Variants in TUB observed in about 807,000 individuals in gnomAD.
TUB encodes the protein tubby protein homolog.
Under a neutral mutation model 59.7 loss-of-function variants are expected in TUB, and 33 were observed. That is an observed-to-expected ratio of 0.55 (90% CI 0.42 to 0.74). The LOEUF (loss-of-function observed/expected upper bound fraction) is 0.74, where lower values mean the gene tolerates loss of function less well. TUB is among the 30% of genes least tolerant of loss of function. The pLI is 0.00. For synonymous variants in TUB, 293 were observed against 256.4 expected (o/e 1.14, Z -1.36); for missense variants, 659 against 672.0 (o/e 0.98, Z 0.21).
chr11:8,095,692 C>CCCCATGGGGG (rs1943960726), intron 5 of TUB, 27 bp downstream of exon 5: 1 of 1,562,464 alleles, frequency 6.4e-7, no homozygotes, highest in African/African-American at 1.4e-5. Flanking sequence ...CCCAGTGATA[C>CCCCATGGGGG]CCCCAAAACT....
chr11:8,057,838 C>T (rs752598598), intron 2 of TUB, among the ~76,000 whole-genome samples: 17 of 152,152 alleles, frequency 1.1e-4, no homozygotes, highest in Non-Finnish European at 2.1e-4. Flanking sequence ...GCTTTTGTTA[C>T]ATCCCAGCCT....
intron 2 of TUB, among the ~76,000 whole-genome samples, chr11:8,046,461 C>T (rs951845104): frequency 4.6e-5 from 7 of 152,170 alleles, no homozygotes; most frequent in Admixed American, 3.3e-4. Flanking sequence ...CCAACCTGTC[C>T]CTCGTCTTCT....
chr11:8,072,320 C>T (rs1273056278), intron 2 of TUB, among the ~76,000 whole-genome samples: 3 of 152,160 alleles, frequency 2.0e-5, no homozygotes, highest in Non-Finnish European at 4.4e-5. Flanking sequence ...TCCCTTCCTT[C>T]CCTTCCTCCC....
intron 5 of TUB, 128 bp from the exon 6 acceptor site, chr11:8,096,557 G>C (rs1368402463): frequency 9.8e-6 from 7 of 716,236 alleles, no homozygotes; most frequent in South Asian, 9.5e-5. Flanking sequence ...ATATGGCTAA[G>C]AGTGTGTGCA....
At chr11:8,088,081 G>A (rs1943701110) in intron 1 of TUB, among the ~76,000 whole-genome samples, 1 of 152,216 alleles carries the variant, frequency 6.6e-6, no homozygotes, top group African/African-American at 2.4e-5. Context: ...GCAGCTGAGG[G>A]TTTGGTGAAT....
At chr11:8,031,531 C>G (rs974934745) in intron 1 of TUB, among the ~76,000 whole-genome samples, 2 of 152,236 alleles carry the variant, frequency 1.3e-5, no homozygotes, top group African/African-American at 4.8e-5. Context: ...CCTTCCCTCC[C>G]TGCCAGGCCC....
chr11:8,097,589 T>TTC (rs1281213876), intron 7 of TUB, 125 bp from the exon 8 acceptor site: 2 of 1,301,542 alleles, frequency 1.5e-6, no homozygotes, highest in Non-Finnish European at 2.2e-6. Flanking sequence ...TCCAGTGCAT[T>TTC]TGTGTGTGTG....
intron 2 of TUB, among the ~76,000 whole-genome samples, chr11:8,047,094 A>C (rs1000646569): frequency 6.6e-6 from 1 of 152,122 alleles, no homozygotes; most frequent in South Asian, 2.1e-4. Flanking sequence ...GCTGTTTACT[A>C]TCTGGTTCCT....
At position 8,072,696 on chromosome 11, in the gene TUB, G is replaced by A. The variant is rs571106194; in HGVS notation, c.204-16914G>A. Among the ~76,000 whole-genome samples, 24 of 152,300 alleles carry A rather than the reference G, an allele frequency of 1.6e-4. No homozygotes were observed. The South Asian group carries it at 4.4e-3, about 28-fold the overall frequency. On this transcript the variant is annotated intron_variant, in intron 2 of 12. Transcript: ENST00000305253. ...ACTATGTGCAGTAGGCAAGGAATAC[G>A]TTGTCTCCAATCAACAGATGAGGAA...
intron 1 of TUB, chr11:8,039,385 C>CA (rs1272568219): frequency 2.2e-6 from 1 of 457,540 alleles, no homozygotes. Flanking sequence ...CCCCACCCCC[C>CA]AGTGCTTCAT....
intron 3 of TUB, among the ~76,000 whole-genome samples, chr11:8,091,600 G>A (rs1231536440): frequency 1.3e-5 from 2 of 152,110 alleles, no homozygotes; most frequent in East Asian, 1.9e-4. Flanking sequence ...ATATTATGTT[G>A]CCTCCCTGAT....
chr11:8,020,323 G>C (rs1391616110), intron 1 of TUB, among the ~76,000 whole-genome samples: 1 of 152,166 alleles, frequency 6.6e-6, no homozygotes, highest in Non-Finnish European at 1.5e-5. Context: ...TCTCCGTGAA[G>C]TCCTGCTTCC....
rs983672257 is a variant in TUB, at chr11:8,105,341, C to G, written c.*3722C>G. The G allele has an allele frequency of 4.6e-5, 7 of 152,212 alleles. No homozygotes were observed. Among genetic ancestry groups the G allele is most frequent in the Admixed American group, 3.9e-4 (6 of 15,282 alleles). The allele number at this position is 152,212 out of a possible 1,614,324, so 9.4% of individuals were successfully genotyped here. Reference sequence around the variant, plus strand: ...GCAGTCAGGGCCCAGAGTTGGGACTCTATACTACCCTGGGCTCTGGTCTGT... The same window carrying G: ...GCAGTCAGGGCCCAGAGTTGGGACTGTATACTACCCTGGGCTCTGGTCTGT... On this transcript the variant is annotated 3_prime_UTR_variant, in exon 12 of 12. Coordinates refer to ENST00000299506, the MANE Select transcript of TUB (RefSeq NM_177972.3).
At chr11:8,033,058 G>T (rs549425695) in intron 1 of TUB, among the ~76,000 whole-genome samples, 2 of 152,192 alleles carry the variant, frequency 1.3e-5, no homozygotes, top group African/African-American at 2.4e-5. Context: ...AGACCCTGCC[G>T]AACAGATAAT....
At chr11:8,071,078 A>C (rs999398238) in intron 2 of TUB, among the ~76,000 whole-genome samples, 2 of 152,160 alleles carry the variant, frequency 1.3e-5, no homozygotes, top group African/African-American at 4.8e-5. Flanking sequence ...CAGGTGGTTC[A>C]TGGCAGAGCA....
chr11:8,099,213 C>CT (rs528993151), intron 9 of TUB, among the ~76,000 whole-genome samples: 137 of 152,208 alleles, frequency 9.0e-4, no homozygotes, highest in African/African-American at 3.0e-3. Flanking sequence ...ATGCCAGGTT[C>CT]TACATGGATT....
chr11:8,101,361 T>C, intron 11 of TUB, 125 bp from the exon 12 acceptor site: 1 of 1,273,142 alleles, frequency 7.9e-7, no homozygotes, highest in Non-Finnish European at 1.1e-6. Context: ...CCCTTTGTGA[T>C]TCCCCTGGCA....
intron 1 of TUB, among the ~76,000 whole-genome samples, chr11:8,031,699 C>T (rs1002197037): frequency 1.2e-4 from 19 of 152,228 alleles, no homozygotes; most frequent in Non-Finnish European, 2.6e-4. Flanking sequence ...GGGACCAGTC[C>T]GAGCTGGCCA....
chr11:8,078,610 A>C (rs762335202), upstream of TUB, among the ~76,000 whole-genome samples: 8 of 152,110 alleles, frequency 5.3e-5, no homozygotes, highest in Non-Finnish European at 2.9e-5. Context: ...ACACTCATGC[A>C]CTCCATAGAA....
Sources: allele counts gnomAD v4.1 joint callset (sites outside exome capture counted in the v4.1 genomes callset), GRCh38; gene constraint gnomAD v4.1.1; transcripts MANE v1.5; gene names NCBI Gene and HGNC (gene_info 2026-07-23, HGNC 2026-07-21).